The following PDE4B variants were observed in gnomAD, a reference collection of about 807,000 sequenced individuals.
PDE4B encodes the protein phosphodiesterase 4B.
In PDE4B, 20 loss-of-function variants were observed where a neutral mutation model predicts 82.2. The ratio of observed to expected loss-of-function variants is 0.24; its 90% CI spans 0.17 to 0.35. The LOEUF is 0.35. Among genes scored for constraint, PDE4B ranks in the 10% least tolerant of loss-of-function variants. The probability of loss-of-function intolerance (pLI) is 1.00; values close to 1 mark genes in which losing one functional copy is unlikely to be tolerated. For synonymous variants in PDE4B, 320 were observed against 318.9 expected (o/e 1.00, Z -0.04); for missense variants, 655 against 907.2 (o/e 0.72, Z 3.57).
chr1:65,920,968 T>C (rs1010912083), intron 3 of PDE4B, among the ~76,000 whole-genome samples: 9 of 133,318 alleles, frequency 6.8e-5, no homozygotes, highest in Admixed American at 3.0e-4. Context: ...TCTTTTTTTT[T>C]TTTTTTTTTT....
rs115117645 is a variant in PDE4B, at chr1:66,001,689, G to A, written c.281+82854G>A. 3.0e-3 allele frequency among the ~76,000 whole-genome samples: 452 copies of A among 152,088 alleles called. 3 individuals are homozygous for A. The highest frequency in any genetic ancestry group is 0.01 in the African/African-American group (425 of 41,522). The stretch of plus-strand genomic sequence containing the variant: ...AAATATCTTAGAGTGGCATTGATGG[G>A]TTGTATTGTGAAGTATATGCTTTTT... On this transcript the variant is annotated intron_variant, in intron 3 of 16. Coordinates refer to ENST00000341517, the MANE Select transcript of PDE4B (RefSeq NM_002600.4).
intron 1 of PDE4B, among the ~76,000 whole-genome samples, chr1:65,875,395 A>G (rs1214483746): frequency 2.1e-5 from 3 of 146,156 alleles, no homozygotes; most frequent in Non-Finnish European, 3.0e-5. Flanking sequence ...CAGTGTGGCG[A>G]TTCCTCAGGG....
chr1:66,185,717 T>A (rs1647179486), intron 3 of PDE4B, among the ~76,000 whole-genome samples: 1 of 152,216 alleles, frequency 6.6e-6, no homozygotes, highest in African/African-American at 2.4e-5. Context: ...TTGAGTTCAT[T>A]GTAGACTCTG....
chr1:65,847,494 A>G (rs1183291332), intron 1 of PDE4B, among the ~76,000 whole-genome samples: 1 of 152,198 alleles, frequency 6.6e-6, no homozygotes, highest in Admixed American at 6.6e-5. Flanking sequence ...ATTTAATACA[A>G]GTTGATGGGG....
chr1:66,177,216 T>C (rs1040885537), intron 3 of PDE4B, among the ~76,000 whole-genome samples: 1 of 152,212 alleles, frequency 6.6e-6, no homozygotes, highest in African/African-American at 2.4e-5. Context: ...AGTATGGTTA[T>C]GTGTATTGTT....
chr1:65,806,662 C>T (rs977147304), intron 1 of PDE4B, among the ~76,000 whole-genome samples: 1 of 152,146 alleles, frequency 6.6e-6, no homozygotes, highest in African/African-American at 2.4e-5. Context: ...TTATGTTGAT[C>T]GAGCTTGCCT....
At chr1:66,208,996 A>G (rs1174958170) in intron 3 of PDE4B, among the ~76,000 whole-genome samples, 7 of 152,208 alleles carry the variant, frequency 4.6e-5, no homozygotes, top group Admixed American at 4.6e-4. Context: ...AACATGTTCT[A>G]ATACTGTACA....
At chr1:66,090,968 C>T (rs1645011041) in intron 3 of PDE4B, among the ~76,000 whole-genome samples, 1 of 151,906 alleles carries the variant, frequency 6.6e-6, no homozygotes, top group South Asian at 2.1e-4. Context: ...TCACCACACC[C>T]CTTTCCCTAG....
At chr1:65,845,423 A>G (rs933671961) in intron 1 of PDE4B, among the ~76,000 whole-genome samples, 3 of 152,184 alleles carry the variant, frequency 2.0e-5, no homozygotes, top group Non-Finnish European at 2.9e-5. Flanking sequence ...AGTCTAGCCC[A>G]GTTTAGAACT....
intron 1 of PDE4B, among the ~76,000 whole-genome samples, chr1:65,875,641 G>A (rs558439220): frequency 0.014 from 2,056 of 149,644 alleles, 64 homozygotes; most frequent in African/African-American, 0.049. Flanking sequence ...ATGAGTTCAT[G>A]TCCTTTGTAG....
Position 66,177,923 on chromosome 1 carries a change from A to T in PDE4B, c.282-69537A>T, listed in dbSNP as rs1007389294. On this transcript the variant is annotated intron_variant, in intron 3 of 16. Transcript: ENST00000341517. ...AAAAATCTAGTGAAATTCCAGTCAC[A>T]TCATCAAAAATCACTTTCTAAGATA... 4.6e-5 allele frequency among the ~76,000 whole-genome samples: 7 copies of T among 152,138 alleles called. No individual in the cohort carries two copies. In the East Asian group the frequency reaches 1.4e-3, roughly 29 times the overall value.
intron 3 of PDE4B, among the ~76,000 whole-genome samples, chr1:66,058,949 C>T (rs991872910): frequency 6.6e-5 from 10 of 152,324 alleles, no homozygotes; most frequent in African/African-American, 2.4e-4. Context: ...ATTTTCTTTT[C>T]TATCACATTG....
At chr1:66,338,740 C>T (rs943095801) in intron 8 of PDE4B, among the ~76,000 whole-genome samples, 15 of 152,260 alleles carry the variant, frequency 9.9e-5, no homozygotes, top group Admixed American at 7.2e-4. Flanking sequence ...TATTCTTGGC[C>T]GGGCGCGGTG....
chr1:65,798,067 G>A (rs887604329), intron 1 of PDE4B, among the ~76,000 whole-genome samples: 1 of 151,912 alleles, frequency 6.6e-6, no homozygotes, highest in African/African-American at 2.4e-5. Context: ...CACCCAGGCT[G>A]GAGTGCAGTG....
chr1:66,322,364 T>A (rs1164365738), intron 7 of PDE4B, among the ~76,000 whole-genome samples: 1 of 152,026 alleles, frequency 6.6e-6, no homozygotes, highest in African/African-American at 2.4e-5. Flanking sequence ...GAAACTATCA[T>A]CAGAGTGAAC....
At chr1:66,078,032 C>T (rs1415065422) in intron 3 of PDE4B, among the ~76,000 whole-genome samples, 1 of 152,076 alleles carries the variant, frequency 6.6e-6, no homozygotes. Context: ...TTGCTTGGCA[C>T]ATAGTAAGCA....
At chr1:66,067,903 A>G (rs1373195027) in intron 3 of PDE4B, among the ~76,000 whole-genome samples, 3 of 141,188 alleles carry the variant, frequency 2.1e-5, no homozygotes, top group Non-Finnish European at 4.6e-5. Flanking sequence ...ATGAGAACAC[A>G]TGGACACAGG....
chr1:66,124,807 CGT>C (rs1321302238), intron 3 of PDE4B, among the ~76,000 whole-genome samples: 2 of 152,086 alleles, frequency 1.3e-5, no homozygotes, highest in Non-Finnish European at 2.9e-5. Flanking sequence ...CTTGTGTTTG[CGT>C]GGGTTTTCTC....
chr1:66,225,590 G>A (rs757149120), intron 3 of PDE4B, among the ~76,000 whole-genome samples: 1 of 152,158 alleles, frequency 6.6e-6, no homozygotes, highest in Non-Finnish European at 1.5e-5. Flanking sequence ...AGAGCAAGAC[G>A]TCTTATGCAC....
Sources: allele counts gnomAD v4.1 joint callset (sites outside exome capture counted in the v4.1 genomes callset), GRCh38; gene constraint gnomAD v4.1.1; transcripts MANE v1.5; gene names NCBI Gene and HGNC (gene_info 2026-07-23, HGNC 2026-07-21).